Variants in SFI1 observed in about 807,000 individuals in gnomAD.
SFI1 encodes the protein protein SFI1 homolog.
In SFI1, 195 loss-of-function variants were observed where a neutral mutation model predicts 207.5. The ratio of observed to expected loss-of-function variants is 0.94; its 90% confidence interval spans 0.84 to 1.06. SFI1 has a LOEUF of 1.06. Among genes scored for constraint, SFI1 ranks in the 50% least tolerant of loss-of-function variants. SFI1 has a pLI of 0.00. For missense variants in SFI1, 1,634 were observed against 1,588.0 expected (o/e 1.03, Z -0.49); for synonymous variants, 630 against 598.9 (o/e 1.05, Z -0.76).
At position 31,615,131 on chromosome 22, in the gene SFI1, C is replaced by T. The variant is rs892032320; in HGVS notation, c.3152C>T (p.Pro1051Leu). Residue 1051 changes from proline to leucine, a missense_variant, in exon 29 of 33, where the codon CCG becomes CTG. Physicochemically the swap from Pro to Leu is moderately conservative, Grantham distance 98. Transcript: ENST00000400288. Reference sequence around the variant, plus strand: ...ACGCGGCCCTTCCTGGCAGAGGCCCCGACAGCACTGGTCCCACACAGCCCC... The same window carrying T: ...ACGCGGCCCTTCCTGGCAGAGGCCCTGACAGCACTGGTCCCACACAGCCCC... ...SLTRPFLAEA[P>L]TALVPHSPLP... The T allele has an allele frequency of 1.3e-5, 21 of 1,609,252 alleles. No homozygotes were observed. Among genetic ancestry groups the T allele is most frequent in the East Asian group, 8.9e-5 (4 of 44,848 alleles).
intron 14 of SFI1, among the ~76,000 whole-genome samples, chr22:31,588,811 C>CAAA (rs537432528): frequency 9.6e-6 from 1 of 103,724 alleles, no homozygotes; most frequent in Non-Finnish European, 2.1e-5. Context: ...GACTCTGTCT[C>CAAA]AAAAAAAAAA....
intron 14 of SFI1, among the ~76,000 whole-genome samples, chr22:31,588,310 A>C (rs939997022): frequency 2.0e-5 from 3 of 152,326 alleles, no homozygotes; most frequent in East Asian, 1.9e-4. Context: ...GCCTTGGGGT[A>C]GTCAGCTATC....
At chr22:31,563,275 G>A (rs1053451830) in intron 8 of SFI1, among the ~76,000 whole-genome samples, 1 of 152,022 alleles carries the variant, frequency 6.6e-6, no homozygotes, top group Admixed American at 6.6e-5. Context: ...TTACAGGCGT[G>A]AACCACCGCG....
At chr22:31,550,109 A>G (rs2060487267) in intron 5 of SFI1, 145 bp from the exon 6 acceptor site, 3 of 558,048 alleles carry the variant, frequency 5.4e-6, no homozygotes, top group Admixed American at 6.3e-5. Flanking sequence ...CGGTATTTTT[A>G]GTTGAGATGG....
chr22:31,612,398 A>AAAAAAAAAAAATAT (rs1556369798), intron 24 of SFI1: 2 of 60,194 alleles, frequency 3.3e-5, no homozygotes, highest in Non-Finnish European at 3.0e-5. Context: ...AAAAAAAAAA[A>AAAAAAAAAAAATAT]ATATATATAT....
At chr22:31,558,158 GAATA>G (rs1172371419) in intron 7 of SFI1, among the ~76,000 whole-genome samples, 1 of 152,182 alleles carries the variant, frequency 6.6e-6, no homozygotes, top group African/African-American at 2.4e-5. Context: ...TTGTCATCAG[GAATA>G]AATAAAGTAA....
chr22:31,528,492 A>G (rs1333695904), intron 2 of SFI1, among the ~76,000 whole-genome samples, 198 bp from the exon 3 acceptor site: 1 of 152,188 alleles, frequency 6.6e-6, no homozygotes, highest in Non-Finnish European at 1.5e-5. Context: ...GTTCCTGCCT[A>G]GAGCTGACCC....
chr22:31,529,119 G>T (rs2058219379), intron 3 of SFI1: 3 of 391,552 alleles, frequency 7.7e-6, no homozygotes, highest in South Asian at 8.5e-5. Context: ...AAGTCTAAAC[G>T]TGGTCCAAGA....
Position 31,575,179 on chromosome 22 carries a change from C to A in SFI1, c.923-52C>A. 1.5e-6 allele frequency: 2 copies of A among 1,368,150 alleles called. 1 individual carries two copies. 84.8% of individuals were successfully genotyped at this position (1,368,150 alleles called of 1,614,324 possible). A position where few individuals can be genotyped will look rare whatever the true frequency, so the allele number is the denominator to read the frequency against. On this transcript the variant is annotated intron_variant, in intron 9 of 32. Coordinates refer to ENST00000400288, the MANE Select transcript of SFI1 (RefSeq NM_001007467.3). The stretch of plus-strand genomic sequence containing the variant: ...GGTTCAGCTTGTCTTAAAGATGTTT[C>A]CAGCTCATCTAACCTTAGGGGAGTA...
In SFI1 at chr22:31,583,861, C is replaced by G. The variant is rs2064674668; in HGVS notation, c.1249-14C>G. On this transcript the variant is annotated splice_polypyrimidine_tract_variant and intron_variant, in intron 12 of 32. Transcript: ENST00000400288. Reference sequence around the variant, plus strand: ...ATCTCAGTACATTTCCATCTTCTTCCTCCCTTGCTTTAGCTGCTGCACAGG... The same window carrying G: ...ATCTCAGTACATTTCCATCTTCTTCGTCCCTTGCTTTAGCTGCTGCACAGG... 1.2e-6 allele frequency: 2 copies of G among 1,610,704 alleles called. No individual in the cohort carries two copies. The highest frequency in any genetic ancestry group is 8.5e-7 in the Non-Finnish European group (1 of 1,176,954).
At position 31,532,878 on chromosome 22, in the gene SFI1, C is replaced by CT. The variant is rs377229362; in HGVS notation, c.338+1751dup. On this transcript the variant is annotated intron_variant, in intron 4 of 32. Coordinates refer to ENST00000400288, the MANE Select transcript of SFI1 (RefSeq NM_001007467.3). Reference sequence around the variant, plus strand: ...CAAACCGGCCTCCCCAAAGATAAGCCTTAGGGATATTTGTGGGTTAGGGAA... The same window carrying CT: ...CAAACCGGCCTCCCCAAAGATAAGCCTTTAGGGATATTTGTGGGTTAGGGAA... 1.4e-3 allele frequency among the ~76,000 whole-genome samples: 217 copies of CT among 152,228 alleles called. 1 individual carries two copies. Among genetic ancestry groups the CT allele is most frequent in the African/African-American group, 5.0e-3 (207 of 41,540 alleles).
intron 15 of SFI1, among the ~76,000 whole-genome samples, chr22:31,591,113 G>C (rs1158460421): frequency 6.6e-6 from 1 of 152,012 alleles, no homozygotes; most frequent in Non-Finnish European, 1.5e-5. Flanking sequence ...AGGACCCTGC[G>C]GCCTTCCGCA....
chr22:31,608,058 C>G (rs769338107), intron 22 of SFI1, 25 bp downstream of exon 22: 1 of 1,587,912 alleles, frequency 6.3e-7, no homozygotes, highest in South Asian at 1.1e-5. Flanking sequence ...AGAAGCAAGT[C>G]ATGTTGAGGA....
intron 15 of SFI1, among the ~76,000 whole-genome samples, chr22:31,593,404 C>G (rs958060293): frequency 1.4e-5 from 2 of 140,852 alleles, no homozygotes; most frequent in African/African-American, 5.3e-5. Flanking sequence ...GATGGGCGGC[C>G]GGGCAGAGAC....
At chr22:31,532,862 C>T (rs2058653019) in intron 4 of SFI1, among the ~76,000 whole-genome samples, 1 of 152,146 alleles carries the variant, frequency 6.6e-6, no homozygotes, top group Admixed American at 6.6e-5. Flanking sequence ...TCAAACCGGC[C>T]TCCCCAAAGA....
At chr22:31,540,228 AT>A (rs1406628762) in intron 4 of SFI1, among the ~76,000 whole-genome samples, 4 of 149,000 alleles carry the variant, frequency 2.7e-5, no homozygotes, top group Non-Finnish European at 4.5e-5. Flanking sequence ...TAATTTTTTA[AT>A]TTTTTAATTT....
chr22:31,552,659 A>G (rs899448603), intron 6 of SFI1, among the ~76,000 whole-genome samples: 3 of 152,096 alleles, frequency 2.0e-5, no homozygotes, highest in African/African-American at 7.2e-5. Context: ...TCTTTTTAAT[A>G]TAATAATTTC....
intron 1 of SFI1, among the ~76,000 whole-genome samples, chr22:31,498,121 C>T (rs111553097): frequency 0.012 from 1,820 of 152,092 alleles, 42 homozygotes; most frequent in African/African-American, 0.042. Context: ...AGTGAAACCC[C>T]GTCTCAACTA....
intron 6 of SFI1, among the ~76,000 whole-genome samples, chr22:31,553,681 A>T (rs996317614): frequency 2.7e-5 from 4 of 150,426 alleles, no homozygotes; most frequent in African/African-American, 4.9e-5. Flanking sequence ...CTGGTTTTTT[A>T]AAATATGTAT....
Sources: allele counts gnomAD v4.1 joint callset (sites outside exome capture counted in the v4.1 genomes callset), GRCh38; gene constraint gnomAD v4.1.1; transcripts MANE v1.5; gene names NCBI Gene and HGNC (gene_info 2026-07-23, HGNC 2026-07-21).